SEMA4D: variants seen among roughly 807,000 people sequenced by gnomAD.
SEMA4D encodes the protein semaphorin-4D.
A neutral mutation model predicts 74.8 loss-of-function variants in SEMA4D; 22 were observed. The ratio of observed to expected loss-of-function variants is 0.29; its 90% CI spans 0.21 to 0.42. The LOEUF is 0.42. SEMA4D is among the 10% of genes least tolerant of loss of function. The pLI is 1.00. For synonymous variants in SEMA4D, 445 were observed against 463.7 expected (o/e 0.96, Z 0.52); for missense variants, 937 against 1,118.4 (o/e 0.84, Z 2.31).
chr9:89,418,105 T>C (rs1846103819), intron 2 of SEMA4D: 17 of 985,044 alleles, frequency 1.7e-5, no homozygotes, highest in Non-Finnish European at 1.9e-5. Flanking sequence ...GAAAGACGTC[T>C]TCAGAAATCT....
chr9:89,420,663 G>T (rs982525631), intron 2 of SEMA4D, among the ~76,000 whole-genome samples: 2 of 152,216 alleles, frequency 1.3e-5, no homozygotes, highest in African/African-American at 4.8e-5. Context: ...CCTAAGCAGG[G>T]ACCTGGTGTT....
chr9:89,458,294 C>T (rs1856437916), intron 1 of SEMA4D, among the ~76,000 whole-genome samples: 1 of 152,160 alleles, frequency 6.6e-6, no homozygotes. Flanking sequence ...CCCTGCATTT[C>T]TGAGCTTCCG....
intron 1 of SEMA4D, among the ~76,000 whole-genome samples, chr9:89,460,284 C>T (rs1856907643): frequency 1.3e-5 from 2 of 150,990 alleles, no homozygotes; most frequent in South Asian, 4.2e-4. Flanking sequence ...CATCCCATAT[C>T]CCACCTCTGG....
At chr9:89,419,637 G>A (rs1417481130) in intron 2 of SEMA4D, among the ~76,000 whole-genome samples, 1 of 152,190 alleles carries the variant, frequency 6.6e-6, no homozygotes, top group Non-Finnish European at 1.5e-5. Context: ...AACTGGCCAG[G>A]CACTGTGGCT....
rs1283613774 is a variant in SEMA4D at position 89,388,967 on chromosome 9, G to C, written c.855C>G (p.Asp285Glu). 1 of 1,614,132 alleles carries C rather than the reference G, an allele frequency of 6.2e-7. No individual in the cohort carries two copies. The change falls in exon 10 of 16, where the codon GAC (aspartate) becomes GAG (glutamate). Residue 285 changes from aspartate to glutamate, a missense_variant. Coordinates refer to ENST00000422704, the MANE Select transcript of SEMA4D (RefSeq NM_001371194.2). Reference sequence around the variant, plus strand: ...GCAGCACATTGAAGACCAAGCCGCTGTCTGGCCGGGAGCAGATGAGTCGGG... The same window carrying C: ...GCAGCACATTGAAGACCAAGCCGCTCTCTGGCCGGGAGCAGATGAGTCGGG... ...LKARLICSRP[D>E]SGLVFNVLRD... is the part of the protein sequence containing the mutation.
At position 89,391,233 on chromosome 9, in the gene SEMA4D, G is replaced by A. The variant is rs1387489385; in HGVS notation, c.774+31C>T. ...CAGGCACACTATTGCCATGGCAGGG[G>A]CCAAGCGAAGCCAGAGTGCCTGGCA... On this transcript the variant is annotated intron_variant, in intron 9 of 15. Coordinates refer to ENST00000422704, the MANE Select transcript of SEMA4D (RefSeq NM_001371194.2). The A allele has an allele frequency of 3.1e-6, 5 of 1,606,032 alleles. No individual in the cohort carries two copies. The East Asian group carries it at 6.7e-5, about 22-fold the overall frequency.
intron 1 of SEMA4D, among the ~76,000 whole-genome samples, chr9:89,487,338 C>T (rs1055871143): frequency 6.6e-5 from 10 of 151,960 alleles, no homozygotes; most frequent in African/African-American, 9.7e-5. Context: ...AAATTCAACA[C>T]CTACTCATGA....
At chr9:89,385,718 T>C in intron 13 of SEMA4D, 2 of 454,160 alleles carry the variant, frequency 4.4e-6, no homozygotes, top group Non-Finnish European at 5.8e-6. Flanking sequence ...GTAGGTATCT[T>C]ACCCGGCCAG....
At chr9:89,455,620 C>T (rs1410771537) in intron 2 of SEMA4D, among the ~76,000 whole-genome samples, 1 of 152,178 alleles carries the variant, frequency 6.6e-6, no homozygotes, top group East Asian at 1.9e-4. Flanking sequence ...CTCAGCATTG[C>T]CTCGCTCATT....
At position 89,477,072 on chromosome 9, in the gene SEMA4D, A is replaced by G. The variant is rs537854378; in HGVS notation, c.-310+20847T>C. On this transcript the variant is annotated intron_variant, in intron 1 of 15. Coordinates refer to ENST00000422704, the MANE Select transcript of SEMA4D (RefSeq NM_001371194.2). ...AGTTTTATCTTTTGGCTAAAAATAC[A>G]ACTAAGACTTCCGTAAAATAAGTTC... Among the ~76,000 whole-genome samples, 4 of 152,292 alleles carry G rather than the reference A, an allele frequency of 2.6e-5. No individual in the cohort carries two copies. The South Asian group carries it at 8.3e-4, about 32-fold the overall frequency.
downstream of SEMA4D, chr9:89,377,178 T>G: frequency 7.1e-7 from 1 of 1,400,060 alleles, no homozygotes; most frequent in Non-Finnish European, 9.4e-7. Context: ...CTGTCCCGCC[T>G]GGGCCATGCA....
intron 1 of SEMA4D, among the ~76,000 whole-genome samples, chr9:89,468,056 G>C (rs1588108650): frequency 6.6e-6 from 1 of 152,186 alleles, no homozygotes; most frequent in Non-Finnish European, 1.5e-5. Context: ...GACACCGAAA[G>C]ACTAGGGTAG....
At chr9:89,474,129 T>C (rs1861161236) in intron 1 of SEMA4D, among the ~76,000 whole-genome samples, 1 of 152,164 alleles carries the variant, frequency 6.6e-6, no homozygotes, top group Non-Finnish European at 1.5e-5. Context: ...CACCAAGTTC[T>C]GGGCTCAAGT....
intron 18 of SEMA4D, chr9:89,363,362 A>C: frequency 6.3e-7 from 1 of 1,593,712 alleles, no homozygotes; most frequent in Non-Finnish European, 8.5e-7. Flanking sequence ...TGAAAGATCC[A>C]CTGGATGTGG....
rs527407291 is a variant in SEMA4D, at chr9:89,484,465, G to T, written c.-310+13454C>A. Among the ~76,000 whole-genome samples the T allele has an allele frequency of 2.8e-4, 43 of 151,614 alleles. No individual in the cohort carries two copies. The South Asian group carries it at 8.5e-3, about 30-fold the overall frequency. On this transcript the variant is annotated intron_variant, in intron 1 of 15. Transcript: ENST00000422704. This position sits in a 1 kb window ranked among gnomAD's most constrained non-coding sequence, Gnocchi z 4.1. ...TGTGTGTTGTGTGTGTTTTGTGTGT[G>T]TGTGTGGCATGGTATGTGTATGTAC...
At chr9:89,362,138 C>CT in exon 19 of SEMA4D, 1 of 586,570 alleles carries the variant, frequency 1.7e-6, no homozygotes. Flanking sequence ...TGGTTACCTG[C>CT]TTGTGCCAGA....
At position 89,400,497 on chromosome 9, in the gene SEMA4D, A is replaced by G. The variant is rs1841967095; in HGVS notation, c.253-1159T>C. Among the ~76,000 whole-genome samples, 4 of 152,180 alleles carry G rather than the reference A, an allele frequency of 2.6e-5. No individual in the cohort carries two copies. In the South Asian group the frequency reaches 8.3e-4, roughly 31 times the overall value. On this transcript the variant is annotated intron_variant, in intron 4 of 15. Coordinates refer to ENST00000422704, the MANE Select transcript of SEMA4D (RefSeq NM_001371194.2). ...CTTCTAGGAGGGAGAGTATGAGGAG[A>G]GGAACCCCACTTTAGGTTTCTAACT...
chr9:89,492,482 C>A lies in SEMA4D; in HGVS notation c.-310+5437G>T, dbSNP rs1486843250. ...ATTAGGGTCCCAGCTCAGAGCACTC[C>A]CCCAAACTCCAGATCCCTTCCTCCA... On this transcript the variant is annotated intron_variant, in intron 1 of 15. Transcript: ENST00000422704. The surrounding 1 kb of genome is among the most constrained non-coding windows in gnomAD (Gnocchi z 4.3). 6.6e-6 allele frequency among the ~76,000 whole-genome samples: 1 copy of A among 152,088 alleles called. No homozygotes were observed. The highest frequency in any genetic ancestry group is 1.5e-5 in the Non-Finnish European group (1 of 68,006).
At chr9:89,466,607 C>T (rs1489317923) in intron 1 of SEMA4D, among the ~76,000 whole-genome samples, 1 of 149,818 alleles carries the variant, frequency 6.7e-6, no homozygotes, top group Non-Finnish European at 1.5e-5. Flanking sequence ...AGGTCATGCT[C>T]CAGAAGCATC....
Sources: gnomAD v4.1 joint callset for allele counts (sites outside exome capture counted in the v4.1 genomes callset) on GRCh38, gnomAD v4.1.1 for gene constraint, Gnocchi (gnomAD v3.1) non-coding constraint, MANE v1.5 for transcripts, NCBI Gene and HGNC (gene_info 2026-07-23, HGNC 2026-07-21) for gene names.